KLHL18: variants seen among roughly 807,000 people sequenced by gnomAD.
KLHL18 encodes the protein kelch-like protein 18.
KLHL18 carries 38 observed loss-of-function variants against 58.5 expected under a neutral mutation model. That is an observed-to-expected ratio of 0.65 (90% confidence interval 0.50 to 0.85). The LOEUF (loss-of-function observed/expected upper bound fraction) is 0.85. KLHL18 is among the 40% of genes least tolerant of loss of function. KLHL18 has a pLI of 0.00. For synonymous variants in KLHL18, 303 were observed against 301.9 expected (o/e 1.00, Z -0.04); for missense variants, 624 against 778.4 (o/e 0.80, Z 2.36).
Position 47,333,304 on chromosome 3 carries a change from T to C in KLHL18, c.748T>C (p.Cys250Arg). 1 of 1,613,706 alleles carries C rather than the reference T, an allele frequency of 6.2e-7. No individual in the cohort carries two copies. Among genetic ancestry groups the C allele is most frequent in the Non-Finnish European group, 8.5e-7 (1 of 1,179,768 alleles). Residue 250 changes from cysteine to arginine, a missense_variant, in exon 5 of 10, where the codon TGC (cysteine) becomes CGC (arginine). By Grantham distance (180) the Cys-to-Arg change is radical. Coordinates refer to ENST00000232766, the MANE Select transcript of KLHL18 (RefSeq NM_025010.5). ...ACAGCAGGATGACCTGGTGCGTTGC[T>C]GCCACAAATGCAGGTGAGTGAGGGT... ...RVQQDDLVRC[C>R]HKCRDLVDEA...
intron 1 of KLHL18, among the ~76,000 whole-genome samples, chr3:47,318,191 T>C (rs1703501175): frequency 6.6e-6 from 1 of 152,124 alleles, no homozygotes; most frequent in Non-Finnish European, 1.5e-5. Context: ...TTAAAACAAG[T>C]ATTTATTATC....
Position 47,283,217 on chromosome 3 carries a change from GGCCGAGTAGTGGGGAGAGAGGT to G in KLHL18, c.129+130_129+151del, listed in dbSNP as rs559873708. 374 of 773,578 alleles carry G rather than the reference GGCCGAGTAGTGGGGAGAGAGGT, an allele frequency of 4.8e-4. 1 individual carries two copies. In the African/African-American group the frequency reaches 6.2e-3, roughly 13 times the overall value. The allele number at this position is 773,578 out of a possible 1,614,324, so 47.9% of individuals were successfully genotyped here. ...GGGTGGGGAGAAGAGGTGTGAGGGG[GGCCGAGTAGTGGGGAGAGAGGT>G]GCCGAGCAAAAGGGGATCGGGGCCG... On this transcript the variant is annotated intron_variant, in intron 1 of 9. Coordinates refer to ENST00000232766, the MANE Select transcript of KLHL18 (RefSeq NM_025010.5).
intron 1 of KLHL18, 134 bp downstream of exon 1, chr3:47,283,228 G>T: frequency 1.3e-6 from 1 of 744,136 alleles, no homozygotes; most frequent in Non-Finnish European, 2.1e-6. Context: ...GCCGAGTAGT[G>T]GGGAGAGAGG....
chr3:47,300,357 G>T (rs1264257735), intron 1 of KLHL18, among the ~76,000 whole-genome samples: 1 of 142,012 alleles, frequency 7.0e-6, no homozygotes, highest in Non-Finnish European at 1.5e-5. Flanking sequence ...GTATATATGT[G>T]TGTACATATG....
rs758466622 is a variant in KLHL18 at position 47,330,117 on chromosome 3, C to G, written c.568C>G (p.Arg190Gly). The G allele has an allele frequency of 6.2e-7, 1 of 1,613,934 alleles. No homozygotes were observed. Among genetic ancestry groups the G allele is most frequent in the African/African-American group, 1.3e-5 (1 of 74,878 alleles). ...PLEDVLELVS[R>G]DELNVKSEEQ... ...GGAAGACGTGCTTGAGCTGGTGTCT[C>G]GGGATGAGCTGAATGTCAAATCTGA... is the stretch of plus-strand genomic sequence containing the variant. The change falls in exon 4 of 10, where the codon CGG becomes GGG. Residue 190 changes from arginine to glycine, a missense_variant. Arg to Gly is a moderately radical substitution (Grantham distance 125). Transcript: ENST00000232766.
chr3:47,304,795 G>A (rs1001527311), intron 1 of KLHL18, among the ~76,000 whole-genome samples: 1 of 152,120 alleles, frequency 6.6e-6, no homozygotes, highest in African/African-American at 2.4e-5. Context: ...AGGCCAAGGC[G>A]GGTGGATCAC....
chr3:47,302,103 T>C (rs1401450994), intron 1 of KLHL18, among the ~76,000 whole-genome samples: 1 of 152,228 alleles, frequency 6.6e-6, no homozygotes, highest in South Asian at 2.1e-4. Flanking sequence ...GCTCAGCTTA[T>C]TAACACATAT....
rs1350532626 is a variant in KLHL18 at position 47,319,688 on chromosome 3, C to T, written c.165C>T (p.Val55=). 3 of 1,613,804 alleles carry T rather than the reference C, an allele frequency of 1.9e-6. No homozygotes were observed. Among genetic ancestry groups the T allele is most frequent in the Non-Finnish European group, 2.5e-6 (3 of 1,179,892 alleles). The change falls in exon 2 of 10, where the codon GTC becomes GTT. Residue 55 remains valine, a synonymous_variant. Coordinates refer to ENST00000232766, the MANE Select transcript of KLHL18 (RefSeq NM_025010.5). ...GDHKFSAHRI[V]LAASIPYFHA... is the part of the protein sequence containing the mutation. ...ACAAATTCAGTGCCCACCGGATTGT[C>T]TTAGCAGCCTCGATCCCGTATTTCC...
rs114914162 is a variant in KLHL18, at chr3:47,294,312, A to T, written c.129+11218A>T. On this transcript the variant is annotated intron_variant, in intron 1 of 9. Coordinates refer to ENST00000232766, the MANE Select transcript of KLHL18 (RefSeq NM_025010.5). The stretch of plus-strand genomic sequence containing the variant: ...CCTTCCATGTGCCAAGTACTGTTCT[A>T]GGTGCTGAGGGTGCAGCAGTGAGCA... Among the ~76,000 whole-genome samples the T allele has an allele frequency of 5.1e-3, 776 of 152,268 alleles. 8 individuals are homozygous for T. Among genetic ancestry groups the T allele is most frequent in the African/African-American group, 0.018 (727 of 41,538 alleles).
chr3:47,344,097 C>A lies in KLHL18; in HGVS notation c.*156C>A. On this transcript the variant is annotated 3_prime_UTR_variant, in exon 10 of 10. Transcript: ENST00000232766. ...TTCCAGGTGCTTAAGCCCTCCCCCACTGTGCCACCCTTGTGACCTTCAGGC... is the reference window on the plus strand; with the variant it reads ...TTCCAGGTGCTTAAGCCCTCCCCCAATGTGCCACCCTTGTGACCTTCAGGC... 2.4e-6 allele frequency: 2 copies of A among 828,632 alleles called. No homozygotes were observed. The highest frequency in any genetic ancestry group is 3.7e-6 in the Non-Finnish European group (2 of 544,542). 51.3% of individuals were successfully genotyped at this position (828,632 alleles called of 1,614,324 possible).
rs556508241 is a variant in KLHL18 at position 47,283,131 on chromosome 3, G to A, written c.129+37G>A. 5 of 1,539,346 alleles carry A rather than the reference G, an allele frequency of 3.2e-6. No homozygotes were observed. The Admixed American group carries it at 9.8e-5, about 30-fold the overall frequency. ...TGGGCGGCAGCGGGCTGAGGGAAAA[G>A]GGGTCGAGCGGGGAGTAAAAAGGGG... On this transcript the variant is annotated intron_variant, in intron 1 of 9. Coordinates refer to ENST00000232766, the MANE Select transcript of KLHL18 (RefSeq NM_025010.5).
At chr3:47,342,091 TAAAAA>T (rs968302202) in intron 8 of KLHL18, among the ~76,000 whole-genome samples, 3 of 150,512 alleles carry the variant, frequency 2.0e-5, no homozygotes, top group African/African-American at 7.3e-5. Context: ...GTCTCAAAAA[TAAAAA>T]AAAATTAAAA....
At chr3:47,288,959 T>C (rs2107575025) in intron 1 of KLHL18, among the ~76,000 whole-genome samples, 1 of 152,364 alleles carries the variant, frequency 6.6e-6, no homozygotes, top group East Asian at 1.9e-4. Flanking sequence ...GTCTGATTCA[T>C]CTGGGTCTAG....
rs1297677649 is a variant in KLHL18, at chr3:47,293,474, C to T, written c.129+10380C>T. 2.6e-5 allele frequency among the ~76,000 whole-genome samples: 4 copies of T among 152,144 alleles called. No individual in the cohort carries two copies. The South Asian group carries it at 8.3e-4, about 32-fold the overall frequency. On this transcript the variant is annotated intron_variant, in intron 1 of 9. Transcript: ENST00000232766. ...TACTCTTTATTTTTGTACTTGGTGC[C>T]TCAGCTGTTAAGAGTCAAATTGTAT... is the stretch of plus-strand genomic sequence containing the variant.
At chr3:47,289,174 G>A (rs1702739584) in intron 1 of KLHL18, among the ~76,000 whole-genome samples, 1 of 152,056 alleles carries the variant, frequency 6.6e-6, no homozygotes, top group East Asian at 1.9e-4. Flanking sequence ...TATTCACAGG[G>A]CCATAAGCTT....
intron 1 of KLHL18, among the ~76,000 whole-genome samples, chr3:47,295,251 T>C (rs557831066): frequency 6.6e-6 from 1 of 152,292 alleles, no homozygotes; most frequent in Admixed American, 6.5e-5. Context: ...CTTAAGCATG[T>C]TCTGTTGTTG....
At chr3:47,300,975 A>G (rs1420033260) in intron 1 of KLHL18, among the ~76,000 whole-genome samples, 1 of 152,088 alleles carries the variant, frequency 6.6e-6, no homozygotes, top group African/African-American at 2.4e-5. Context: ...GCTAATGGGT[A>G]ATGATGTTGG....
chr3:47,310,092 G>C (rs1009028307), intron 1 of KLHL18, among the ~76,000 whole-genome samples: 2 of 152,176 alleles, frequency 1.3e-5, no homozygotes, highest in Non-Finnish European at 2.9e-5. Context: ...TTCCATCAAA[G>C]AGAAATCTAC....
At chr3:47,329,881 C>A in intron 3 of KLHL18, 70 bp from the exon 4 acceptor site, 2 of 1,378,212 alleles carry the variant, frequency 1.5e-6, no homozygotes, top group Non-Finnish European at 2.1e-6. Context: ...CTACCCAGAA[C>A]CAGCCTGAGA....
Sources: gnomAD v4.1 joint callset for allele counts (sites outside exome capture counted in the v4.1 genomes callset) on GRCh38, gnomAD v4.1.1 for gene constraint, MANE v1.5 for transcripts, NCBI Gene and HGNC (gene_info 2026-07-23, HGNC 2026-07-21) for gene names.